The following DNM1 variants were observed in gnomAD, a reference collection of about 807,000 sequenced individuals.
The protein encoded by DNM1 is dynamin-1.
DNM1 carries 29 observed loss-of-function variants against 104.6 expected under a neutral mutation model. The observed-to-expected ratio is 0.28, with a 90% CI of 0.21 to 0.38. The LOEUF (loss-of-function observed/expected upper bound fraction) is 0.38. Among genes scored for constraint, DNM1 ranks in the 10% least tolerant of loss-of-function variants. DNM1 has a pLI of 1.00. For missense variants in DNM1, 640 were observed against 1,189.4 expected (o/e 0.54, Z 6.79); for synonymous variants, 445 against 475.8 (o/e 0.94, Z 0.84).
Position 128,250,207 on chromosome 9 carries a change from G to A in DNM1, c.2169G>A (p.Gln723=). 1 of 1,614,202 alleles carries A rather than the reference G, an allele frequency of 6.2e-7. No individual in the cohort carries two copies. Among genetic ancestry groups the A allele is most frequent in the Non-Finnish European group, 8.5e-7 (1 of 1,180,038 alleles). ...TGGAGGAGTCGGCGGAGCAGGCACA[G>A]CGGCGCGACGAGATGCTGCGCATGT... ...TLMEESAEQA[Q]RRDEMLRMYH... Residue 723 remains glutamine, a synonymous_variant, in exon 20 of 22, where the codon CAG becomes CAA. Coordinates refer to ENST00000372923, the MANE Select transcript of DNM1 (RefSeq NM_004408.4).
Position 128,222,644 on chromosome 9 carries a change from C to T in DNM1, c.1128+48C>T, listed in dbSNP as rs1234330944. ...CAGGATGGCTCAGGACTCCCCCCAC[C>T]CTCACTCAGGACTCTCTCTGCGTGT... On this transcript the variant is annotated intron_variant, in intron 8 of 21. Coordinates refer to ENST00000372923, the MANE Select transcript of DNM1 (RefSeq NM_004408.4). The surrounding 1 kb of genome is among the most constrained non-coding windows in gnomAD (Gnocchi z 7.8). 3 of 1,610,476 alleles carry T rather than the reference C, an allele frequency of 1.9e-6. No individual in the cohort carries two copies. Among genetic ancestry groups the T allele is most frequent in the Non-Finnish European group, 2.5e-6 (3 of 1,177,542 alleles).
rs1319993187 is a variant in DNM1, at chr9:128,254,571, C to CCG, written c.2535-82_2535-81dup. 10 of 1,588,878 alleles carry CCG rather than the reference C, an allele frequency of 6.3e-6. No individual in the cohort carries two copies. The highest frequency in any genetic ancestry group is 1.3e-5 in the African/African-American group (1 of 74,668). On this transcript the variant is annotated intron_variant, in intron 21 of 21. Coordinates refer to ENST00000372923, the MANE Select transcript of DNM1 (RefSeq NM_004408.4). This position sits in a 1 kb window ranked among gnomAD's most constrained non-coding sequence, Gnocchi z 6.1. The stretch of plus-strand genomic sequence containing the variant: ...CACCACTGCTGCGGCGCGGCCGGCC[C>CCG]CGGCCGTGTGCTGCGCTTGCCTTAC...
intron 1 of DNM1, among the ~76,000 whole-genome samples, chr9:128,206,558 G>C (rs1228907219): frequency 6.6e-6 from 1 of 152,128 alleles, no homozygotes; most frequent in East Asian, 1.9e-4. Context: ...TCTCCCCAGG[G>C]AGGTCAGAGG....
chr9:128,226,356 A>G (rs751145460), intron 10 of DNM1, among the ~76,000 whole-genome samples: 7 of 152,182 alleles, frequency 4.6e-5, no homozygotes, highest in Non-Finnish European at 1.0e-4. Context: ...CCCCCATCCC[A>G]GAAGACTTGA....
intron 11 of DNM1, among the ~76,000 whole-genome samples, chr9:128,237,153 A>G (rs1836064034): frequency 6.6e-6 from 1 of 152,232 alleles, no homozygotes; most frequent in African/African-American, 2.4e-5. Context: ...CTGAACCTGG[A>G]AGTCTTTGTC....
At chr9:128,227,484 T>C (rs3003613) in intron 10 of DNM1, among the ~76,000 whole-genome samples, 119,462 of 149,958 alleles carry the variant, frequency 0.8, 47,792 homozygotes, top group East Asian at 1. Flanking sequence ...TGGGTTCAAG[T>C]GGTACTTCCA....
intron 1 of DNM1, among the ~76,000 whole-genome samples, chr9:128,211,123 C>T (rs1285680069): frequency 6.6e-6 from 1 of 152,228 alleles, no homozygotes; most frequent in East Asian, 1.9e-4. Context: ...CCTGTGGATT[C>T]TGCCCAGTTC....
At chr9:128,251,334 C>G (rs758467905) in intron 21 of DNM1, 56 of 369,300 alleles carry the variant, frequency 1.5e-4, no homozygotes, top group Non-Finnish European at 2.5e-4. Flanking sequence ...GGGGAGCCTA[C>G]CTTAGGTCTG....
Position 128,219,879 on chromosome 9 carries a change from A to G in DNM1, c.590-109A>G, listed in dbSNP as rs920701018. The G allele has an allele frequency of 5.7e-4, 415 of 728,354 alleles. 2 individuals are homozygous for G. Among genetic ancestry groups the G allele is most frequent in the Middle Eastern group, 3.4e-4 (1 of 2,904 alleles). The allele number at this position is 728,354 out of a possible 1,614,324, so 45.1% of individuals were successfully genotyped here. ...TGAATAAGGGGGAAAGAGAGGAGGC[A>G]GTGAGCAGGCAGGGGGCCGAGGAGA... is the stretch of plus-strand genomic sequence containing the variant. On this transcript the variant is annotated intron_variant, in intron 4 of 21. Transcript: ENST00000372923.
At chr9:128,213,175 G>A (rs578159182) in intron 1 of DNM1, among the ~76,000 whole-genome samples, 3 of 152,210 alleles carry the variant, frequency 2.0e-5, no homozygotes, top group South Asian at 2.1e-4. Context: ...TCCACCTCCC[G>A]GGTTCAAGCG....
Position 128,254,000 on chromosome 9 carries a change from TC to T in DNM1, c.2535-651del. 8.1e-7 allele frequency: 1 copy of T among 1,234,470 alleles called. No individual in the cohort carries two copies. Among genetic ancestry groups the T allele is most frequent in the Non-Finnish European group, 1.0e-6 (1 of 989,774 alleles). 76.5% of individuals were successfully genotyped at this position (1,234,470 alleles called of 1,614,324 possible). On this transcript the variant is annotated intron_variant, in intron 21 of 21. Transcript: ENST00000372923. This position sits in a 1 kb window ranked among gnomAD's most constrained non-coding sequence, Gnocchi z 5.9. ...CCACTGACTCTCGCTCTTCTGCTTTTCCCAGCAGGAAGGGCCCAGCCTCACC... is the reference window on the plus strand; with the variant it reads ...CCACTGACTCTCGCTCTTCTGCTTTTCCAGCAGGAAGGGCCCAGCCTCACC...
In DNM1 at chr9:128,250,911, C is replaced by T. The variant is rs1459773468; in HGVS notation, c.2505C>T (p.Arg835=). 2 of 1,379,906 alleles carry T rather than the reference C, an allele frequency of 1.4e-6. No homozygotes were observed. Among genetic ancestry groups the T allele is most frequent in the East Asian group, 2.9e-5 (1 of 34,864 alleles). 85.5% of individuals were successfully genotyped at this position (1,379,906 alleles called of 1,614,324 possible). Residue 835 remains arginine (R), a synonymous_variant, in exon 21 of 22, where the codon CGC becomes CGT. Transcript: ENST00000372923. ...GCCCTCCCCCTCAGGTGCCCTCGCG[C>T]CCCAACCGCGCCCCGCCCGGGGTCC... is the stretch of plus-strand genomic sequence containing the variant. ...PFGPPPQVPS[R]PNRAPPGVPS...
chr9:128,246,599 C>G, intron 16 of DNM1, 96 bp downstream of exon 16: 1 of 835,022 alleles, frequency 1.2e-6, no homozygotes, highest in Non-Finnish European at 2.0e-6. Context: ...GAGGAACCTC[C>G]CCTAGGCCCC....
In DNM1 at chr9:128,247,831, C is replaced by G; in HGVS notation, c.1894-93C>G. ...GAGTTGGGGTGCAGTATCCCAGGTT[C>G]ACTCAATCTCTCCCCTTTTCCTCTC... On this transcript the variant is annotated intron_variant, in intron 17 of 21. Transcript: ENST00000372923. The surrounding 1 kb of genome is among the most constrained non-coding windows in gnomAD (Gnocchi z 5.1). 9.2e-6 allele frequency: 14 copies of G among 1,528,716 alleles called. No homozygotes were observed. The highest frequency in any genetic ancestry group is 2.4e-5 in the South Asian group (2 of 82,942). The allele number at this position is 1,528,716 out of a possible 1,614,324, so 94.7% of individuals were successfully genotyped here. A position where few individuals can be genotyped will look rare whatever the true frequency, so the allele number is the denominator to read the frequency against.
At chr9:128,250,980 G>T in intron 21 of DNM1, 40 bp downstream of exon 21, 2 of 1,193,700 alleles carry the variant, frequency 1.7e-6, no homozygotes, top group South Asian at 1.4e-5. Flanking sequence ...GCTGCCGGAC[G>T]GGCGTGGCCG....
chr9:128,220,740 C>CGTGTGTGTGTGTGTGTGTGTGT lies in DNM1; in HGVS notation c.849+400_849+401insTGTGTGTGTGTGTGTGTGTGTG, dbSNP rs754950978. ...TCCAGAACTGAAGTGCGCGCGCGCG[C>CGTGTGTGTGTGTGTGTGTGTGT]GCGTGTGTGTGTGTGTGTGTGTGTG... On this transcript the variant is annotated intron_variant, in intron 6 of 21. Coordinates refer to ENST00000372923, the MANE Select transcript of DNM1 (RefSeq NM_004408.4). The surrounding 1 kb of genome is among the most constrained non-coding windows in gnomAD (Gnocchi z 5.2). Among the ~76,000 whole-genome samples, 130 of 125,752 alleles carry CGTGTGTGTGTGTGTGTGTGTGT rather than the reference C, an allele frequency of 1.0e-3. 1 individual carries two copies. Among genetic ancestry groups the CGTGTGTGTGTGTGTGTGTGTGT allele is most frequent in the Non-Finnish European group, 1.9e-3 (113 of 58,160 alleles). 82.5% of individuals were successfully genotyped at this position (125,752 alleles called of 152,430 possible). A position where few individuals can be genotyped will look rare whatever the true frequency, so the allele number is the denominator to read the frequency against.
rs1357862773 is a variant in DNM1, at chr9:128,247,654, C to T, written c.1893+168C>T. On this transcript the variant is annotated intron_variant, in intron 17 of 21. Coordinates refer to ENST00000372923, the MANE Select transcript of DNM1 (RefSeq NM_004408.4). The surrounding 1 kb of genome is among the most constrained non-coding windows in gnomAD (Gnocchi z 5.1). ...GGGGGTGGGAACAGAGATAAGTCTC[C>T]TGGTATTCCCATCCTTCTCCAGTGG... 6.6e-6 allele frequency among the ~76,000 whole-genome samples: 1 copy of T among 152,222 alleles called. No homozygotes were observed. Among genetic ancestry groups the T allele is most frequent in the Non-Finnish European group, 1.5e-5 (1 of 68,034 alleles).
intron 1 of DNM1, among the ~76,000 whole-genome samples, chr9:128,206,893 G>A (rs1249457285): frequency 6.6e-6 from 1 of 152,060 alleles, no homozygotes; most frequent in Non-Finnish European, 1.5e-5. Context: ...GTGACTTGGG[G>A]AGCGGGTGAG....
intron 21 of DNM1, chr9:128,252,216 C>A: frequency 8.0e-6 from 2 of 250,758 alleles, no homozygotes; most frequent in South Asian, 8.4e-5. Flanking sequence ...GCCGTAGGAG[C>A]ACTTTGCTAA....
Sources: gnomAD v4.1 joint callset for allele counts (sites outside exome capture counted in the v4.1 genomes callset) on GRCh38, gnomAD v4.1.1 for gene constraint, Gnocchi (gnomAD v3.1) non-coding constraint, MANE v1.5 for transcripts, NCBI Gene and HGNC (gene_info 2026-07-23, HGNC 2026-07-21) for gene names.